Variants in ANXA3 observed in about 807,000 individuals in gnomAD.
ANXA3 encodes the protein 35-alpha calcimedin.
Under a neutral mutation model 48.8 loss-of-function variants are expected in ANXA3, and 46 were observed. The ratio of observed to expected loss-of-function variants is 0.94; its 90% CI spans 0.74 to 1.21. The LOEUF is 1.21. ANXA3 is among the 50% of genes most tolerant of loss of function. The pLI is 0.00. For missense variants in ANXA3, 383 were observed against 378.6 expected (o/e 1.01, Z -0.10); for synonymous variants, 128 against 134.7 (o/e 0.95, Z 0.35).
intron 3 of ANXA3, among the ~76,000 whole-genome samples, chr4:78,577,065 T>A (rs1321182410): frequency 2.0e-5 from 3 of 152,126 alleles, no homozygotes; most frequent in African/African-American, 7.2e-5. Context: ...ATCCTGAAGA[T>A]TACAAAGAGC....
intron 2 of ANXA3, among the ~76,000 whole-genome samples, chr4:78,563,687 G>GTATTTTGTTA (rs1277262305): frequency 6.6e-6 from 1 of 152,232 alleles, no homozygotes; most frequent in East Asian, 1.9e-4. Flanking sequence ...CCAGTTTGTG[G>GTATTTTGTTA]TATTTTGTTA....
intron 2 of ANXA3, among the ~76,000 whole-genome samples, chr4:78,566,546 A>G (rs987535459): frequency 4.6e-5 from 7 of 151,846 alleles, no homozygotes; most frequent in African/African-American, 1.5e-4. Context: ...ACTGGAGGCC[A>G]TTATCCTGAG....
At position 78,609,898 on chromosome 4, in the gene ANXA3, G is replaced by A. The variant is rs940915710; in HGVS notation, c.913-158G>A. On this transcript the variant is annotated intron_variant, in intron 12 of 12. Transcript: ENST00000264908. ...CTGGTCAGAACGTAATTACACTCAG[G>A]TATGAATGAATGATGGAATTGCAGG... Among the ~76,000 whole-genome samples, 3 of 152,170 alleles carry A rather than the reference G, an allele frequency of 2.0e-5. No individual in the cohort carries two copies. The East Asian group carries it at 5.8e-4, about 29-fold the overall frequency.
In ANXA3 at chr4:78,610,438, T is replaced by A. The variant is rs975826527; in HGVS notation, c.*323T>A. On this transcript the variant is annotated 3_prime_UTR_variant, in exon 13 of 13. Coordinates refer to ENST00000264908, the MANE Select transcript of ANXA3 (RefSeq NM_005139.3). ...AAGCAAGATAATAAAAATTGTTGCT[T>A]TTGTTAAAAGTAATTTCTTTGTTTG... is the stretch of plus-strand genomic sequence containing the variant. The A allele has an allele frequency of 1.1e-5, 2 of 181,044 alleles. No homozygotes were observed. The highest frequency in any genetic ancestry group is 4.7e-5 in the African/African-American group (2 of 42,798). The allele number at this position is 181,044 out of a possible 1,614,324, so 11.2% of individuals were successfully genotyped here.
chr4:78,571,016 T>C (rs544592364), intron 2 of ANXA3: 1 of 152,226 alleles, frequency 6.6e-6, no homozygotes, highest in East Asian at 1.9e-4. Flanking sequence ...CTTTCTTTCT[T>C]TCTTTTTTTT....
chr4:78,592,537 A>G (rs925659900), intron 7 of ANXA3, among the ~76,000 whole-genome samples: 1 of 152,232 alleles, frequency 6.6e-6, no homozygotes, highest in Non-Finnish European at 1.5e-5. Flanking sequence ...TCCTAAGTGC[A>G]CATCTGTTTG....
chr4:78,594,376 T>G (rs192798370), intron 7 of ANXA3, among the ~76,000 whole-genome samples: 7 of 152,376 alleles, frequency 4.6e-5, no homozygotes, highest in Admixed American at 2.6e-4. Flanking sequence ...ATGGACATGT[T>G]TTCAACTCCT....
chr4:78,573,063 A>AAGGTGTG (rs770708197), intron 2 of ANXA3, 117 bp from the exon 3 acceptor site: 3 of 807,296 alleles, frequency 3.7e-6, no homozygotes, highest in Non-Finnish European at 6.6e-6. Context: ...AAGTGGTAGG[A>AAGGTGTG]AGGTGTGCGA....
intron 6 of ANXA3, 35 bp downstream of exon 6, chr4:78,586,385 A>T: frequency 6.7e-7 from 1 of 1,500,150 alleles, no homozygotes. Context: ...ACCACTGTTC[A>T]CACATATTTG....
At chr4:78,572,749 A>G (rs1200250475) in intron 2 of ANXA3, among the ~76,000 whole-genome samples, 1 of 152,196 alleles carries the variant, frequency 6.6e-6, no homozygotes, top group African/African-American at 2.4e-5. Flanking sequence ...GAGGTTGCAA[A>G]TATTGTGACC....
rs760349396 is a variant in ANXA3, at chr4:78,604,365, A to G, written c.878A>G (p.Lys293Arg). 9 of 1,613,324 alleles carry G rather than the reference A, an allele frequency of 5.6e-6. 1 individual carries two copies. In the South Asian group the frequency reaches 9.9e-5, roughly 18 times the overall value. The change falls in exon 12 of 13, where the codon AAG becomes AGG. Residue 293 changes from lysine to arginine, a missense_variant. Physicochemically the swap from Lys to Arg is conservative, Grantham distance 26. Transcript: ENST00000264908. ...TTGGACATTCGAACAGAGTTCAAGAAGCATTATGGCTATTCCCTATATTCA... is the reference window on the plus strand; with the variant it reads ...TTGGACATTCGAACAGAGTTCAAGAGGCATTATGGCTATTCCCTATATTCA... ...DLLDIRTEFK[K>R]HYGYSLYSAI...
intron 2 of ANXA3, among the ~76,000 whole-genome samples, chr4:78,571,723 C>T (rs1722844084): frequency 6.6e-6 from 1 of 152,180 alleles, no homozygotes; most frequent in Non-Finnish European, 1.5e-5. Flanking sequence ...TCTACGTTTA[C>T]TTTGATTTTT....
intron 2 of ANXA3, chr4:78,570,933 TA>T (rs1254249520): frequency 6.6e-6 from 1 of 152,214 alleles, no homozygotes; most frequent in Non-Finnish European, 1.5e-5. Flanking sequence ...TGTGAATCCA[TA>T]AAATATTTAT....
Position 78,601,507 on chromosome 4 carries a change from C to T in ANXA3, c.731-3C>T. Reference sequence around the variant, plus strand: ...GCTGAACATTATTTGCTTTTTGTTACAGTTAATTGTGTGAGGAACACGCCG... The same window carrying T: ...GCTGAACATTATTTGCTTTTTGTTATAGTTAATTGTGTGAGGAACACGCCG... On this transcript the variant is annotated splice_region_variant and splice_polypyrimidine_tract_variant and intron_variant, in intron 10 of 12. Transcript: ENST00000264908. The T allele has an allele frequency of 6.2e-7, 1 of 1,613,530 alleles. No individual in the cohort carries two copies. Among genetic ancestry groups the T allele is most frequent in the Non-Finnish European group, 8.5e-7 (1 of 1,179,608 alleles).
At chr4:78,586,974 G>A (rs1723193097) in intron 6 of ANXA3, among the ~76,000 whole-genome samples, 1 of 152,154 alleles carries the variant, frequency 6.6e-6, no homozygotes, top group Non-Finnish European at 1.5e-5. Flanking sequence ...TACAAATTCA[G>A]GGTTCTCACT....
intron 3 of ANXA3, among the ~76,000 whole-genome samples, chr4:78,576,675 A>G (rs914043185): frequency 1.3e-5 from 2 of 152,132 alleles, no homozygotes; most frequent in African/African-American, 2.4e-5. Flanking sequence ...ACCTCTTTTT[A>G]AACATTATGT....
intron 6 of ANXA3, among the ~76,000 whole-genome samples, chr4:78,591,290 T>A (rs1162836243): frequency 6.6e-6 from 1 of 152,196 alleles, no homozygotes; most frequent in Admixed American, 6.5e-5. Context: ...CATTGTCAGA[T>A]GAAATAAACC....
intron 1 of ANXA3, 118 bp from the exon 2 acceptor site, chr4:78,554,315 GAGA>G (rs1405389081): frequency 2.8e-6 from 2 of 707,446 alleles, no homozygotes; most frequent in East Asian, 5.4e-5. Context: ...TGCTCTTCCT[GAGA>G]AGGTTTTTCT....
intron 2 of ANXA3, among the ~76,000 whole-genome samples, chr4:78,557,845 T>C (rs1310069609): frequency 6.6e-6 from 1 of 152,298 alleles, no homozygotes; most frequent in South Asian, 2.1e-4. Flanking sequence ...AACTACCACA[T>C]GCTCCAGCAA....
Sources: allele counts gnomAD v4.1 joint callset (sites outside exome capture counted in the v4.1 genomes callset), GRCh38; gene constraint gnomAD v4.1.1; transcripts MANE v1.5; gene names NCBI Gene and HGNC (gene_info 2026-07-23, HGNC 2026-07-21).